The following DLGAP2 variants were observed in gnomAD, a reference collection of about 807,000 sequenced individuals.
DLGAP2 encodes disks large-associated protein 2.
In DLGAP2, 26 loss-of-function variants were observed where a neutral mutation model predicts 100.3. The ratio of observed to expected loss-of-function variants is 0.26; its 90% CI spans 0.19 to 0.36. The LOEUF is 0.36. DLGAP2 is among the 10% of genes least tolerant of loss of function. The probability of loss-of-function intolerance (pLI) is 1.00; values close to 1 mark genes in which losing one functional copy is unlikely to be tolerated. For synonymous variants in DLGAP2, 886 were observed against 630.1 expected (o/e 1.41, Z -6.08); for missense variants, 1,858 against 1,453.2 (o/e 1.28, Z -4.53).
At chr8:1,177,134 C>G (rs546227858) in intron 2 of DLGAP2, among the ~76,000 whole-genome samples, 1 of 152,162 alleles carries the variant, frequency 6.6e-6, no homozygotes, top group Non-Finnish European at 1.5e-5. Flanking sequence ...TCCCAGCCTT[C>G]GAGTGGACGC....
chr8:1,083,017 G>A (rs1218796599), intron 2 of DLGAP2, among the ~76,000 whole-genome samples: 1 of 152,128 alleles, frequency 6.6e-6, no homozygotes, highest in Non-Finnish European at 1.5e-5. Context: ...GATATATATG[G>A]ACCACAGTTA....
At chr8:1,591,739 A>G (rs957064982) in intron 6 of DLGAP2, among the ~76,000 whole-genome samples, 4 of 152,158 alleles carry the variant, frequency 2.6e-5, no homozygotes. Flanking sequence ...CTGGCCCCAC[A>G]TCACACCCAA....
intron 1 of DLGAP2, among the ~76,000 whole-genome samples, chr8:834,868 A>G (rs563528144): frequency 6.6e-6 from 1 of 152,328 alleles, no homozygotes; most frequent in South Asian, 2.1e-4. Flanking sequence ...AAAGGTTGAA[A>G]TCGTTTAAAA....
intron 8 of DLGAP2, among the ~76,000 whole-genome samples, chr8:1,642,034 T>C (rs56253320): frequency 0.87 from 12,823 of 14,754 alleles, 5,775 homozygotes; most frequent in Middle Eastern, 0.94. Context: ...CCCTCGACCC[T>C]GCCGGCCCCC....
Position 950,928 on chromosome 8 carries a change from A to G in DLGAP2, c.73+42962A>G, listed in dbSNP as rs1013545328. Among the ~76,000 whole-genome samples the G allele has an allele frequency of 2.4e-4, 36 of 152,122 alleles. No individual in the cohort carries two copies. The East Asian group carries it at 6.2e-3, about 26-fold the overall frequency. ...CGTGAGCCACCGCGCTCGGCCCTAG[A>G]ATATTTCTTATATTAAAAGATCGAG... On this transcript the variant is annotated intron_variant, in intron 2 of 14. Transcript: ENST00000637795.
Position 1,554,458 on chromosome 8 carries a change from A to C in DLGAP2, c.1230+4775A>C, listed in dbSNP as rs186287223. ...CTGGGCCACCTCTGGCCCTCCTGCCACAGGCCCACCTCCACATGCTGGGTG... is the reference window on the plus strand; with the variant it reads ...CTGGGCCACCTCTGGCCCTCCTGCCCCAGGCCCACCTCCACATGCTGGGTG... On this transcript the variant is annotated intron_variant, in intron 5 of 14. Transcript: ENST00000637795. Among the ~76,000 whole-genome samples, 20 of 152,162 alleles carry C rather than the reference A, an allele frequency of 1.3e-4. 1 individual carries two copies. Among genetic ancestry groups the C allele is most frequent in the African/African-American group, 4.8e-4 (20 of 41,510 alleles).
chr8:1,030,021 A>G (rs141402132), intron 2 of DLGAP2, among the ~76,000 whole-genome samples: 4 of 152,338 alleles, frequency 2.6e-5, no homozygotes, highest in African/African-American at 9.6e-5. Context: ...GGGAGGAGCC[A>G]TGGAATAGGC....
At chr8:1,529,363 T>C (rs1800906580) in intron 4 of DLGAP2, among the ~76,000 whole-genome samples, 1 of 152,158 alleles carries the variant, frequency 6.6e-6, no homozygotes, top group Admixed American at 6.5e-5. Flanking sequence ...TCATTGAAGA[T>C]GAGATTTAGA....
intron 1 of DLGAP2, among the ~76,000 whole-genome samples, chr8:824,762 A>G (rs963458140): frequency 1.1e-4 from 17 of 152,138 alleles, no homozygotes; most frequent in African/African-American, 4.1e-4. Flanking sequence ...CCTCATCAGC[A>G]GCAAAAGAAG....
chr8:1,438,265 C>G (rs1797709656), intron 3 of DLGAP2, among the ~76,000 whole-genome samples: 1 of 152,120 alleles, frequency 6.6e-6, no homozygotes, highest in African/African-American at 2.4e-5. Context: ...TCCCAGTTTC[C>G]TCCCCCAACC....
intron 2 of DLGAP2, among the ~76,000 whole-genome samples, chr8:1,176,183 G>C (rs987214463): frequency 4.7e-4 from 71 of 150,176 alleles, no homozygotes; most frequent in Non-Finnish European, 8.9e-4. Context: ...AGCAAGGCAC[G>C]TGTTACATGG....
intron 2 of DLGAP2, among the ~76,000 whole-genome samples, chr8:1,077,719 C>T (rs1803667103): frequency 1.3e-5 from 2 of 152,170 alleles, no homozygotes; most frequent in Non-Finnish European, 2.9e-5. Context: ...GTGTTTTGCT[C>T]CATTGTTTCT....
intron 3 of DLGAP2, among the ~76,000 whole-genome samples, chr8:1,345,314 C>T (rs147649716): frequency 2.0e-5 from 3 of 146,824 alleles, no homozygotes; most frequent in South Asian, 2.2e-4. Context: ...GCAGAGTGTG[C>T]GGTTGTTCTG....
rs1317866176 is a variant in DLGAP2, at chr8:1,702,075, C to G, written c.*669C>G. On this transcript the variant is annotated 3_prime_UTR_variant, in exon 15 of 15. Coordinates refer to ENST00000637795, the MANE Select transcript of DLGAP2 (RefSeq NM_001346810.2). Reference sequence around the variant, plus strand: ...ATCCCAGGCGATGACAAGTCTGAACCCACGAAAATACCCAGCGCAGCATCT... The same window carrying G: ...ATCCCAGGCGATGACAAGTCTGAACGCACGAAAATACCCAGCGCAGCATCT... 6.6e-6 allele frequency: 1 copy of G among 151,910 alleles called. No individual in the cohort carries two copies. Among genetic ancestry groups the G allele is most frequent in the Admixed American group, 6.6e-5 (1 of 15,250 alleles). 9.4% of individuals were successfully genotyped at this position (151,910 alleles called of 1,614,324 possible).
rs529320758 is a variant in DLGAP2, at chr8:1,126,423, G to C, written c.74-132428G>C. On this transcript the variant is annotated intron_variant, in intron 2 of 14. Coordinates refer to ENST00000637795, the MANE Select transcript of DLGAP2 (RefSeq NM_001346810.2). ...GCAGGGGAGAGAAGAGACACAGGCA[G>C]ATGAGGAGGGAGGCAGGGGAGAGAA... Among the ~76,000 whole-genome samples the C allele has an allele frequency of 2.0e-5, 3 of 151,884 alleles. No homozygotes were observed. In the South Asian group the frequency reaches 6.3e-4, roughly 32 times the overall value.
intron 2 of DLGAP2, among the ~76,000 whole-genome samples, chr8:1,088,849 C>A (rs1196869485): frequency 1.0e-5 from 1 of 99,332 alleles, no homozygotes; most frequent in East Asian, 3.3e-4. Context: ...TCGCTCCCCC[C>A]ACCCCACTCT....
intron 1 of DLGAP2, among the ~76,000 whole-genome samples, chr8:804,963 G>A (rs1393648484): frequency 6.6e-6 from 1 of 152,002 alleles, no homozygotes; most frequent in Non-Finnish European, 1.5e-5. Context: ...TAGAGACGAG[G>A]TCTCCCTATG....
intron 2 of DLGAP2, among the ~76,000 whole-genome samples, chr8:908,546 C>T (rs896902656): frequency 6.6e-6 from 1 of 152,060 alleles, no homozygotes; most frequent in Non-Finnish European, 1.5e-5. Context: ...TTTGCCTGAC[C>T]TTTAAGGAAA....
chr8:1,626,696 C>G (rs143122788), intron 6 of DLGAP2, 44 bp from the exon 7 acceptor site: 3 of 1,558,614 alleles, frequency 1.9e-6, no homozygotes, highest in South Asian at 1.2e-5. Flanking sequence ...TGCCCTGCAG[C>G]GGGTGCTCAC....
Sources: gnomAD v4.1 joint callset for allele counts (sites outside exome capture counted in the v4.1 genomes callset) on GRCh38, gnomAD v4.1.1 for gene constraint, MANE v1.5 for transcripts, NCBI Gene and HGNC (gene_info 2026-07-23, HGNC 2026-07-21) for gene names.